Variants in ZNF385D observed in about 807,000 individuals in gnomAD.
The protein encoded by ZNF385D is zinc finger protein 385D, also known as zinc finger protein 659.
In ZNF385D, 15 loss-of-function variants were observed where a neutral mutation model predicts 35.8. The observed-to-expected ratio is 0.42, with a 90% CI of 0.28 to 0.64. The LOEUF (loss-of-function observed/expected upper bound fraction) is 0.64. Among genes scored for constraint, ZNF385D ranks in the 30% least tolerant of loss-of-function variants. The probability of loss-of-function intolerance (pLI) is 0.23; values close to 1 mark genes in which losing one functional copy is unlikely to be tolerated. For missense variants in ZNF385D, 474 were observed against 494.6 expected (o/e 0.96, Z 0.39); for synonymous variants, 212 against 186.8 (o/e 1.13, Z -1.10).
At chr3:22,089,046 A>G (rs1701187413) in intron 3 of ZNF385D, among the ~76,000 whole-genome samples, 1 of 152,198 alleles carries the variant, frequency 6.6e-6, no homozygotes. Context: ...AGGGATCATA[A>G]GAAAAATCAA....
At chr3:22,032,675 A>G (rs1228166556) in intron 3 of ZNF385D, among the ~76,000 whole-genome samples, 2 of 152,206 alleles carry the variant, frequency 1.3e-5, no homozygotes, top group Non-Finnish European at 2.9e-5. Context: ...CAAGTACTAA[A>G]CAATTAAATA....
intron 3 of ZNF385D, among the ~76,000 whole-genome samples, chr3:22,086,100 T>C (rs1331256933): frequency 6.6e-6 from 1 of 152,214 alleles, no homozygotes; most frequent in Non-Finnish European, 1.5e-5. Flanking sequence ...CATATCATAC[T>C]GCATGGGCGA....
intron 3 of ZNF385D, among the ~76,000 whole-genome samples, chr3:21,823,467 G>A (rs1215750796): frequency 3.3e-5 from 5 of 151,928 alleles, no homozygotes; most frequent in South Asian, 2.1e-4. Flanking sequence ...ATACACACAC[G>A]GACGCAGCAC....
chr3:22,000,298 C>G (rs1293422626), intron 3 of ZNF385D, among the ~76,000 whole-genome samples: 1 of 91,790 alleles, frequency 1.1e-5, no homozygotes, highest in East Asian at 2.2e-4. Flanking sequence ...GAGCGAGACT[C>G]CATCTCAAAA....
At chr3:22,019,006 T>C (rs1237337967) in intron 3 of ZNF385D, among the ~76,000 whole-genome samples, 6 of 145,060 alleles carry the variant, frequency 4.1e-5, no homozygotes, top group African/African-American at 1.5e-4. Flanking sequence ...CTTTACCACT[T>C]CCCAGTTTCA....
intron 2 of ZNF385D, among the ~76,000 whole-genome samples, chr3:21,570,952 T>TA (rs1240346968): frequency 6.6e-6 from 1 of 152,190 alleles, no homozygotes; most frequent in African/African-American, 2.4e-5. Flanking sequence ...AAAAATTCCT[T>TA]AAAACCTCAC....
chr3:22,324,488 CAG>C (rs1194244677), intron 2 of ZNF385D, among the ~76,000 whole-genome samples: 1 of 151,880 alleles, frequency 6.6e-6, no homozygotes, highest in African/African-American at 2.4e-5. Context: ...GTATAAATAA[CAG>C]AAATATGCAC....
At chr3:22,220,638 C>A (rs1698195395) in intron 2 of ZNF385D, among the ~76,000 whole-genome samples, 1 of 152,132 alleles carries the variant, frequency 6.6e-6, no homozygotes, top group East Asian at 1.9e-4. Flanking sequence ...GTATTTCATA[C>A]TTCTGAGTCT....
rs577841804 is a variant in ZNF385D at position 21,447,262 on chromosome 3, G to A, written c.440-10059C>T. 7.4e-4 allele frequency among the ~76,000 whole-genome samples: 112 copies of A among 152,166 alleles called. 1 individual carries two copies. Among genetic ancestry groups the A allele is most frequent in the Non-Finnish European group, 1.0e-3 (68 of 67,992 alleles). On this transcript the variant is annotated intron_variant, in intron 4 of 7. Transcript: ENST00000281523. ...GACAAAAAGAAACTCAATTTACTCCGAAGGCATTTTAAATGATTTGGATGC... is the reference window on the plus strand; with the variant it reads ...GACAAAAAGAAACTCAATTTACTCCAAAGGCATTTTAAATGATTTGGATGC...
intron 2 of ZNF385D, among the ~76,000 whole-genome samples, chr3:22,268,679 T>C (rs916619371): frequency 6.6e-6 from 1 of 152,088 alleles, no homozygotes; most frequent in African/African-American, 2.4e-5. Context: ...TATTAGAATA[T>C]TTAAGCAGAT....
At chr3:21,822,088 T>C (rs1363261076) in intron 3 of ZNF385D, among the ~76,000 whole-genome samples, 2 of 152,160 alleles carry the variant, frequency 1.3e-5, no homozygotes, top group Non-Finnish European at 2.9e-5. Context: ...TTTTTCTTTT[T>C]TGACACGGAA....
intron 4 of ZNF385D, among the ~76,000 whole-genome samples, chr3:21,458,132 T>C (rs577962942): frequency 6.6e-6 from 1 of 152,060 alleles, no homozygotes; most frequent in South Asian, 2.1e-4. Context: ...CTCCCAGGCA[T>C]CAAGTAACTA....
At chr3:21,940,296 T>A (rs140094251) in intron 3 of ZNF385D, among the ~76,000 whole-genome samples, 51 of 152,278 alleles carry the variant, frequency 3.3e-4, no homozygotes, top group African/African-American at 1.2e-3. Flanking sequence ...AGAGGTGGAT[T>A]TGACACCAGT....
chr3:21,978,032 C>T (rs796962097), intron 3 of ZNF385D, among the ~76,000 whole-genome samples: 11 of 152,278 alleles, frequency 7.2e-5, no homozygotes, highest in African/African-American at 2.6e-4. Flanking sequence ...TTAATAGTGA[C>T]ACTACTAAAG....
intron 3 of ZNF385D, among the ~76,000 whole-genome samples, chr3:21,879,061 A>G (rs576427061): frequency 3.3e-5 from 5 of 151,970 alleles, no homozygotes; most frequent in Non-Finnish European, 7.4e-5. Context: ...ATTTTTCATC[A>G]TTTGAATACT....
intron 3 of ZNF385D, among the ~76,000 whole-genome samples, chr3:22,007,143 C>T (rs1228269969): frequency 1.3e-5 from 2 of 152,172 alleles, no homozygotes; most frequent in Admixed American, 1.3e-4. Flanking sequence ...GTTTCAATCT[C>T]ATCCATACAC....
chr3:21,852,971 T>TC (rs1272954828), intron 3 of ZNF385D, among the ~76,000 whole-genome samples: 1 of 151,920 alleles, frequency 6.6e-6, no homozygotes, highest in Admixed American at 6.6e-5. Flanking sequence ...TTCCACTTGT[T>TC]CCCTCCACAC....
At chr3:22,341,684 T>A (rs1695426607) in intron 2 of ZNF385D, among the ~76,000 whole-genome samples, 2 of 152,200 alleles carry the variant, frequency 1.3e-5, no homozygotes, top group Admixed American at 1.3e-4. Flanking sequence ...GATAGTCATA[T>A]CTTTTGGAGG....
At chr3:22,348,945 A>G (rs1465098753) in intron 2 of ZNF385D, among the ~76,000 whole-genome samples, 1 of 152,236 alleles carries the variant, frequency 6.6e-6, no homozygotes, top group Non-Finnish European at 1.5e-5. Flanking sequence ...GCATAATTAC[A>G]TAAAGTTGTT....
Sources: allele counts gnomAD v4.1 joint callset (sites outside exome capture counted in the v4.1 genomes callset), GRCh38; gene constraint gnomAD v4.1.1; transcripts MANE v1.5; gene names NCBI Gene and HGNC (gene_info 2026-07-23, HGNC 2026-07-21).